ERBB4: variants seen among roughly 807,000 people sequenced by gnomAD.
The protein encoded by ERBB4 is erb-b2 receptor tyrosine kinase 4, also known as receptor tyrosine-protein kinase erbB-4.
ERBB4 carries 42 observed loss-of-function variants against 158.0 expected under a neutral mutation model. The ratio of observed to expected loss-of-function variants is 0.27; its 90% CI spans 0.21 to 0.34. The LOEUF (loss-of-function observed/expected upper bound fraction) is 0.34. Ranked by LOEUF, ERBB4 falls within the 10% of genes least tolerant of loss-of-function variation. ERBB4 has a pLI of 1.00. For missense variants in ERBB4, 1,333 were observed against 1,624.1 expected, an observed-to-expected ratio of 0.82 and a Z score of 3.08; for synonymous variants, 583 against 558.7, an observed-to-expected ratio of 1.04 and a Z score of -0.61.
At chr2:211,497,352 T>A (rs1461150776) in intron 20 of ERBB4, among the ~76,000 whole-genome samples, 6 of 152,144 alleles carry the variant, frequency 3.9e-5, no homozygotes, top group Admixed American at 3.9e-4. Context: ...TTACATTCTA[T>A]TCCTTCATAT....
At chr2:211,985,151 T>G (rs571947545) in intron 2 of ERBB4, among the ~76,000 whole-genome samples, 1 of 152,282 alleles carries the variant, frequency 6.6e-6, no homozygotes, top group African/African-American at 2.4e-5. Flanking sequence ...CTCTTACCAC[T>G]GTCGGAAACC....
intron 20 of ERBB4, among the ~76,000 whole-genome samples, chr2:211,446,578 T>G (rs1294645444): frequency 6.6e-5 from 10 of 152,146 alleles, no homozygotes; most frequent in African/African-American, 2.4e-4. Flanking sequence ...TTCAAAGACT[T>G]TCTTACTATC....
chr2:211,389,094 G>C (rs1045299315), intron 25 of ERBB4, among the ~76,000 whole-genome samples: 14 of 152,278 alleles, frequency 9.2e-5, no homozygotes, highest in African/African-American at 3.4e-4. Flanking sequence ...GGAGTGCAGT[G>C]GTGCAATCTC....
intron 5 of ERBB4, among the ~76,000 whole-genome samples, chr2:211,746,658 G>T (rs768983879): frequency 6.6e-6 from 1 of 151,750 alleles, no homozygotes; most frequent in Non-Finnish European, 1.5e-5. Context: ...GCGAAACCCC[G>T]TCTCTACTAA....
chr2:211,768,179 C>T (rs1489757330), intron 4 of ERBB4, among the ~76,000 whole-genome samples: 1 of 152,214 alleles, frequency 6.6e-6, no homozygotes. Context: ...TCTCCTTTGG[C>T]TCCATGTCTC....
chr2:211,993,142 G>C (rs2082118969), intron 2 of ERBB4, among the ~76,000 whole-genome samples: 1 of 152,162 alleles, frequency 6.6e-6, no homozygotes, highest in Non-Finnish European at 1.5e-5. Context: ...TTATATTGAA[G>C]ACTCTGGCAC....
chr2:212,304,547 G>A (rs2086738619), intron 1 of ERBB4, among the ~76,000 whole-genome samples: 1 of 151,266 alleles, frequency 6.6e-6, no homozygotes, highest in South Asian at 2.1e-4. Context: ...TGTATTCTTA[G>A]CCACCCCCAC....
intron 2 of ERBB4, among the ~76,000 whole-genome samples, chr2:212,099,952 T>C (rs1201746013): frequency 3.3e-5 from 5 of 152,148 alleles, no homozygotes; most frequent in Non-Finnish European, 7.4e-5. Flanking sequence ...CTAGCAAATC[T>C]ATGCATGCAT....
chr2:211,665,368 T>A lies in ERBB4; in HGVS notation c.1826A>T (p.Asp609Val), dbSNP rs199647352. 2 of 1,614,186 alleles carry A rather than the reference T, an allele frequency of 1.2e-6. No homozygotes were observed. Among genetic ancestry groups the A allele is most frequent in the Non-Finnish European group, 8.5e-7 (1 of 1,180,020 alleles). ...GANSFIFKYA[D>V]PDRECHPCHP... ...GCATGGGTGGCACTCCCGATCTGGA[T>A]CAGCATACTTGAAAATGAAACTGTT... The change falls in exon 15 of 28, where the codon GAT becomes GTT. Residue 609 changes from aspartate to valine, a missense_variant. Asp to Val is a radical substitution (Grantham distance 152). Coordinates refer to ENST00000342788, the MANE Select transcript of ERBB4 (RefSeq NM_005235.3).
intron 2 of ERBB4, among the ~76,000 whole-genome samples, chr2:211,948,774 G>T (rs1051176351): frequency 6.6e-6 from 1 of 151,784 alleles, no homozygotes; most frequent in Non-Finnish European, 1.5e-5. Context: ...GCTGTTTTTG[G>T]TACTTCCCCC....
chr2:211,538,298 C>T (rs2066709814), intron 20 of ERBB4, among the ~76,000 whole-genome samples: 1 of 151,784 alleles, frequency 6.6e-6, no homozygotes, highest in Admixed American at 6.6e-5. Flanking sequence ...CTTTATGAAG[C>T]ATCCCATTCT....
chr2:211,707,574 T>C (rs2073499259), intron 9 of ERBB4, among the ~76,000 whole-genome samples: 1 of 152,160 alleles, frequency 6.6e-6, no homozygotes, highest in Non-Finnish European at 1.5e-5. Context: ...CTTGCCAGTG[T>C]CTCATTGTGA....
At chr2:211,625,690 C>T (rs2069816942) in intron 17 of ERBB4, among the ~76,000 whole-genome samples, 1 of 152,086 alleles carries the variant, frequency 6.6e-6, no homozygotes, top group Non-Finnish European at 1.5e-5. Context: ...GGCAACTCAA[C>T]CATACAGGAA....
intron 2 of ERBB4, among the ~76,000 whole-genome samples, chr2:212,011,633 C>A (rs1256068006): frequency 6.6e-6 from 1 of 151,846 alleles, no homozygotes; most frequent in South Asian, 2.1e-4. Flanking sequence ...GTCTGTAATC[C>A]AAGCCACTCA....
intron 2 of ERBB4, among the ~76,000 whole-genome samples, chr2:212,098,578 TATTAA>T (rs2078995544): frequency 1.3e-5 from 2 of 152,174 alleles, no homozygotes; most frequent in Admixed American, 6.6e-5. Flanking sequence ...GGCTTGTTTG[TATTAA>T]AAGACCTGCT....
chr2:211,490,022 A>C (rs73069178), intron 20 of ERBB4, among the ~76,000 whole-genome samples: 5,606 of 152,156 alleles, frequency 0.037, 373 homozygotes, highest in African/African-American at 0.13. Context: ...GGAGGCTTTA[A>C]GAGGTGATTA....
chr2:211,427,017 C>T (rs1475210472), intron 22 of ERBB4, among the ~76,000 whole-genome samples: 1 of 152,000 alleles, frequency 6.6e-6, no homozygotes, highest in Non-Finnish European at 1.5e-5. Context: ...GTCTATACCT[C>T]AGACACACGA....
chr2:211,773,631 T>TATATATATAAA (rs1553630491), intron 4 of ERBB4, among the ~76,000 whole-genome samples: 16 of 91,230 alleles, frequency 1.8e-4, no homozygotes, highest in African/African-American at 1.1e-3. Flanking sequence ...TATATATATA[T>TATATATATAAA]ATATATATAT....
At chr2:211,865,718 C>T (rs2078187913) in intron 3 of ERBB4, among the ~76,000 whole-genome samples, 1 of 152,152 alleles carries the variant, frequency 6.6e-6, no homozygotes. Flanking sequence ...TAATTAATAG[C>T]AAGATCAGCC....
Sources: gnomAD v4.1 joint callset for allele counts (sites outside exome capture counted in the v4.1 genomes callset) on GRCh38, gnomAD v4.1.1 for gene constraint, MANE v1.5 for transcripts, NCBI Gene and HGNC (gene_info 2026-07-23, HGNC 2026-07-21) for gene names.